The following FIGN variants were observed in gnomAD, a reference collection of about 807,000 sequenced individuals.
The protein encoded by FIGN is fidgetin.
In FIGN, 11 loss-of-function variants were observed where a neutral mutation model predicts 51.3. That is an observed-to-expected ratio of 0.21 (90% CI 0.13 to 0.35). The LOEUF (loss-of-function observed/expected upper bound fraction) is 0.35, where lower values mean the gene tolerates loss of function less well. Among genes scored for constraint, FIGN ranks in the 10% least tolerant of loss-of-function variants. FIGN has a pLI of 1.00. For missense variants in FIGN, 857 were observed against 943.6 expected, an observed-to-expected ratio of 0.91 and a Z score of 1.20; for synonymous variants, 407 against 363.2, an observed-to-expected ratio of 1.12 and a Z score of -1.37.
intron 2 of FIGN, among the ~76,000 whole-genome samples, chr2:163,709,784 G>GA (rs201698845): frequency 6.6e-6 from 1 of 151,864 alleles, no homozygotes; most frequent in Admixed American, 6.6e-5. Flanking sequence ...ATATTTATGA[G>GA]AAAAAAATAG....
chr2:163,656,184 T>C (rs1683556616), intron 2 of FIGN, among the ~76,000 whole-genome samples: 1 of 152,176 alleles, frequency 6.6e-6, no homozygotes, highest in Non-Finnish European at 1.5e-5. Flanking sequence ...AACCCCTAGT[T>C]GCTGACTCTT....
At chr2:163,639,560 T>C (rs1254041363) in intron 2 of FIGN, among the ~76,000 whole-genome samples, 1 of 152,106 alleles carries the variant, frequency 6.6e-6, no homozygotes, top group African/African-American at 2.4e-5. Context: ...CAAACCACGG[T>C]GATAGTGCCT....
intron 2 of FIGN, among the ~76,000 whole-genome samples, chr2:163,620,038 A>T (rs1413236293): frequency 2.0e-5 from 3 of 152,196 alleles, no homozygotes; most frequent in African/African-American, 7.2e-5. Flanking sequence ...AGGATACATG[A>T]GGATGCGTGT....
intron 2 of FIGN, among the ~76,000 whole-genome samples, chr2:163,691,122 AT>A (rs1684233092): frequency 6.6e-6 from 1 of 152,160 alleles, no homozygotes; most frequent in Non-Finnish European, 1.5e-5. Context: ...TGACCACAGA[AT>A]TAAGAACACT....
At chr2:163,617,615 T>C (rs1032449962) in intron 2 of FIGN, among the ~76,000 whole-genome samples, 25 of 152,174 alleles carry the variant, frequency 1.6e-4, no homozygotes, top group African/African-American at 4.3e-4. Context: ...ATTGATAGAT[T>C]GTTGGGATAG....
chr2:163,622,729 T>C (rs1682994622), intron 2 of FIGN, among the ~76,000 whole-genome samples: 1 of 151,916 alleles, frequency 6.6e-6, no homozygotes, highest in South Asian at 2.1e-4. Context: ...GCCCAGCTAA[T>C]TATTGTGTAT....
chr2:163,695,229 C>G (rs571714486), intron 2 of FIGN, among the ~76,000 whole-genome samples: 2 of 152,262 alleles, frequency 1.3e-5, no homozygotes, highest in East Asian at 3.9e-4. Flanking sequence ...GCTCCTCAAT[C>G]ATTAAATTCT....
chr2:163,620,477 T>A (rs1275172196), intron 2 of FIGN, among the ~76,000 whole-genome samples: 5 of 152,098 alleles, frequency 3.3e-5, no homozygotes, highest in South Asian at 2.1e-4. Flanking sequence ...ACAGGTGAGC[T>A]GTAGCATGCA....
At chr2:163,697,580 T>C (rs1684342783) in intron 2 of FIGN, among the ~76,000 whole-genome samples, 1 of 152,176 alleles carries the variant, frequency 6.6e-6, no homozygotes, top group Non-Finnish European at 1.5e-5. Context: ...TCATCCCTGC[T>C]TTCTGCAGCC....
chr2:163,624,691 C>CAT (rs55969954), intron 2 of FIGN, among the ~76,000 whole-genome samples: 5,014 of 141,246 alleles, frequency 0.035, 103 homozygotes, highest in Middle Eastern at 0.089. Flanking sequence ...TATATACATA[C>CAT]ATATATATAT....
intron 2 of FIGN, among the ~76,000 whole-genome samples, chr2:163,686,293 G>A (rs1684147386): frequency 6.6e-6 from 1 of 152,150 alleles, no homozygotes; most frequent in Admixed American, 6.5e-5. Flanking sequence ...CCTAGACAAA[G>A]TTCTCGCCAC....
intron 2 of FIGN, among the ~76,000 whole-genome samples, chr2:163,730,878 C>T (rs1278618555): frequency 6.6e-6 from 1 of 152,094 alleles, no homozygotes; most frequent in Admixed American, 6.5e-5. Context: ...TTTATTTGCT[C>T]TTCAACAATG....
At position 163,734,996 on chromosome 2, in the gene FIGN, T is replaced by G; in HGVS notation, c.-69A>C. ...CAGGAATTCCAAAGGTTGCTTTTCA[T>G]TAAAGCCACTTTTCCTCTCAGCTAT... is the stretch of plus-strand genomic sequence containing the variant. On this transcript the variant is annotated 5_prime_UTR_variant, in exon 2 of 3. The change abolishes an upstream ATG in the 5' untranslated region. Transcript: ENST00000333129. 1 of 1,537,064 alleles carries G rather than the reference T, an allele frequency of 6.5e-7. No individual in the cohort carries two copies. Among genetic ancestry groups the G allele is most frequent in the South Asian group, 1.2e-5 (1 of 86,824 alleles).
At chr2:163,693,788 T>A (rs1684273393) in intron 2 of FIGN, among the ~76,000 whole-genome samples, 1 of 152,192 alleles carries the variant, frequency 6.6e-6, no homozygotes. Context: ...TCTAAATATA[T>A]TAAATATCAT....
intron 2 of FIGN, among the ~76,000 whole-genome samples, chr2:163,662,285 T>C (rs1683701353): frequency 6.6e-6 from 1 of 152,090 alleles, no homozygotes; most frequent in South Asian, 2.1e-4. Context: ...AATTTTGAAC[T>C]TGAGAGATGA....
chr2:163,635,525 A>G (rs975046839), intron 2 of FIGN, among the ~76,000 whole-genome samples: 1 of 152,214 alleles, frequency 6.6e-6, no homozygotes, highest in African/African-American at 2.4e-5. Flanking sequence ...AGCTGATTGT[A>G]CTACTGCATT....
At chr2:163,697,838 C>A (rs1316096336) in intron 2 of FIGN, among the ~76,000 whole-genome samples, 4 of 152,300 alleles carry the variant, frequency 2.6e-5, no homozygotes, top group Admixed American at 6.5e-5. Context: ...AGGTAAAGCA[C>A]ATAAAATTGC....
chr2:163,615,018 A>T (rs1682847871), intron 2 of FIGN, among the ~76,000 whole-genome samples: 1 of 152,156 alleles, frequency 6.6e-6, no homozygotes, highest in Admixed American at 6.5e-5. Context: ...AGCAAAACTA[A>T]ATTTCGTAAG....
At chr2:163,701,375 A>C (rs1684405044) in intron 2 of FIGN, among the ~76,000 whole-genome samples, 1 of 152,194 alleles carries the variant, frequency 6.6e-6, no homozygotes, top group Non-Finnish European at 1.5e-5. Context: ...TGTACCCTAC[A>C]GTTAGTCAAT....
Sources: allele counts gnomAD v4.1 joint callset (sites outside exome capture counted in the v4.1 genomes callset), GRCh38; gene constraint gnomAD v4.1.1; transcripts MANE v1.5; gene names NCBI Gene and HGNC (gene_info 2026-07-23, HGNC 2026-07-21).